Variants in ELP2 observed in about 807,000 individuals in gnomAD.
The protein encoded by ELP2 is elongator complex protein 2.
A neutral mutation model predicts 119.2 loss-of-function variants in ELP2; 90 were observed. That is an observed-to-expected ratio of 0.75 (90% CI 0.64 to 0.90). The LOEUF is 0.90. ELP2 is among the 40% of genes least tolerant of loss of function. ELP2 has a pLI of 0.00. For synonymous variants in ELP2, 339 were observed against 331.0 expected (o/e 1.02, Z -0.26); for missense variants, 921 against 967.8 (o/e 0.95, Z 0.64).
intron 18 of ELP2, chr18:36,164,937 C>G (rs915846070): frequency 4.5e-6 from 2 of 442,598 alleles, no homozygotes; most frequent in Non-Finnish European, 8.3e-6. Flanking sequence ...ACATAAACAT[C>G]TGTATGTAGG....
chr18:36,173,562 G>A (rs2091145021), intron 21 of ELP2, among the ~76,000 whole-genome samples: 1 of 152,188 alleles, frequency 6.6e-6, no homozygotes, highest in African/African-American at 2.4e-5. Context: ...AAACAGTTGA[G>A]GCACAGCAGT....
intron 20 of ELP2, 36 bp downstream of exon 20, chr18:36,170,232 C>T (rs1017498762): frequency 1.2e-6 from 2 of 1,613,376 alleles, no homozygotes; most frequent in Admixed American, 1.7e-5. Flanking sequence ...TTAAGAGGAC[C>T]ACTTGGTTTC....
At chr18:36,157,187 C>A (rs2090600224) in intron 13 of ELP2, among the ~76,000 whole-genome samples, 1 of 151,908 alleles carries the variant, frequency 6.6e-6, no homozygotes, top group Non-Finnish European at 1.5e-5. Flanking sequence ...GTTTATACGC[C>A]CTTCTAAGAA....
intron 9 of ELP2, 37 bp from the exon 10 acceptor site, chr18:36,145,911 T>C (rs1789546): frequency 6.6e-6 from 10 of 1,520,406 alleles, no homozygotes; most frequent in African/African-American, 2.7e-5. Context: ...ACATGATGAT[T>C]GTTGATCACC....
intron 4 of ELP2, 86 bp downstream of exon 4, chr18:36,138,512 T>C: frequency 1.4e-6 from 2 of 1,439,748 alleles, no homozygotes; most frequent in South Asian, 1.2e-5. Flanking sequence ...TATAATTCTT[T>C]ACAACTTTGG....
intron 18 of ELP2, among the ~76,000 whole-genome samples, chr18:36,166,642 G>A (rs923705738): frequency 3.9e-5 from 6 of 152,058 alleles, no homozygotes; most frequent in Non-Finnish European, 7.4e-5. Context: ...CAACAGTTAG[G>A]TGTGTTAGGT....
At chr18:36,144,904 T>G (rs780300905) in intron 8 of ELP2, 35 bp from the exon 9 acceptor site, 57 of 1,527,638 alleles carry the variant, frequency 3.7e-5, no homozygotes, top group Admixed American at 5.0e-5. Flanking sequence ...TAGAAGAGCT[T>G]TGAGGAAATA....
At chr18:36,130,627 C>T (rs2089578250) in intron 1 of ELP2, among the ~76,000 whole-genome samples, 1 of 152,270 alleles carries the variant, frequency 6.6e-6, no homozygotes, top group Middle Eastern at 3.4e-3. Context: ...CGGGACTTCC[C>T]TCGACTTCAC....
At chr18:36,152,373 T>G (rs2090431586) in intron 11 of ELP2, among the ~76,000 whole-genome samples, 1 of 152,228 alleles carries the variant, frequency 6.6e-6, no homozygotes, top group Non-Finnish European at 1.5e-5. Context: ...CATGAGAAGC[T>G]GAGACAGCAA....
rs17672290 is a variant in ELP2, at chr18:36,132,556, A to G, written c.139-682A>G. Among the ~76,000 whole-genome samples, 1,042 of 152,348 alleles carry G rather than the reference A, an allele frequency of 6.8e-3. 26 individuals are homozygous for G. The highest frequency in any genetic ancestry group is 0.044 in the East Asian group (226 of 5,182). On this transcript the variant is annotated intron_variant, in intron 1 of 21. Transcript: ENST00000358232. The stretch of plus-strand genomic sequence containing the variant: ...AAAGGGGCTGTAAAGAGGAAGGTGC[A>G]GTAGTCACAGTTAAAATCTTTAATG...
chr18:36,139,778 T>C (rs2089958224), intron 5 of ELP2: 1 of 433,784 alleles, frequency 2.3e-6, no homozygotes, highest in Non-Finnish European at 4.0e-6. Flanking sequence ...AAATTATTAA[T>C]GATTTTTTAT....
chr18:36,163,424 C>T (rs1389810383), intron 17 of ELP2, among the ~76,000 whole-genome samples: 1 of 151,964 alleles, frequency 6.6e-6, no homozygotes, highest in African/African-American at 2.4e-5. Context: ...TGTCATTCTC[C>T]TAACAGTGTC....
At chr18:36,133,896 G>GTTTTTT (rs1567972210) in intron 2 of ELP2, among the ~76,000 whole-genome samples, 1 of 114,754 alleles carries the variant, frequency 8.7e-6, no homozygotes, top group African/African-American at 3.5e-5. Flanking sequence ...GTTTTTTAGG[G>GTTTTTT]GTTTTTTTTT....
At position 36,138,300 on chromosome 18, in the gene ELP2, G is replaced by A. The variant is rs1433388245; in HGVS notation, c.319G>A (p.Glu107Lys). The change falls in exon 4 of 22, where the codon GAA (glutamate) becomes AAA (lysine). Residue 107 changes from glutamate (E) to lysine (K), a missense_variant. Physicochemically the swap from Glu to Lys is moderately conservative, Grantham distance 56. Coordinates refer to ENST00000358232, the MANE Select transcript of ELP2 (RefSeq NM_018255.4). The part of the protein sequence containing the change: ...LLKAVHLQGH[E>K]GPVYAVHAVY... ...AAAAGCAGTGCATCTTCAAGGCCAT[G>A]AAGGACCTGTTTATGCGGTGCATGC... The A allele has an allele frequency of 1.2e-6, 2 of 1,614,122 alleles. No homozygotes were observed. Among genetic ancestry groups the A allele is most frequent in the South Asian group, 1.1e-5 (1 of 91,082 alleles).
At chr18:36,145,906 A>G (rs1303641142) in intron 9 of ELP2, 42 bp from the exon 10 acceptor site, 2 of 1,500,952 alleles carry the variant, frequency 1.3e-6, no homozygotes, top group East Asian at 2.3e-5. Context: ...TACAAACATG[A>G]TGATTGTTGA....
intron 2 of ELP2, among the ~76,000 whole-genome samples, chr18:36,134,343 A>T (rs746567726): frequency 4.6e-5 from 7 of 152,204 alleles, no homozygotes; most frequent in Non-Finnish European, 8.8e-5. Context: ...CAGCCACATG[A>T]TGTATGATAC....
chr18:36,142,483 G>T, intron 7 of ELP2, 136 bp downstream of exon 7: 1 of 747,096 alleles, frequency 1.3e-6, no homozygotes, highest in East Asian at 2.6e-5. Flanking sequence ...TAGAAAGGAG[G>T]ATGCTTATCT....
intron 16 of ELP2, among the ~76,000 whole-genome samples, chr18:36,160,469 T>G (rs972911561): frequency 3.3e-5 from 5 of 151,888 alleles, no homozygotes; most frequent in African/African-American, 1.2e-4. Context: ...CCCAAGCTAC[T>G]TGAGAGACTG....
At chr18:36,152,849 A>G (rs757849204) in intron 11 of ELP2, among the ~76,000 whole-genome samples, 29 of 152,232 alleles carry the variant, frequency 1.9e-4, no homozygotes, top group Non-Finnish European at 3.2e-4. Context: ...CACTTTAGCA[A>G]AGGTTCCCCA....
Sources: gnomAD v4.1 joint callset for allele counts (sites outside exome capture counted in the v4.1 genomes callset) on GRCh38, gnomAD v4.1.1 for gene constraint, MANE v1.5 for transcripts, NCBI Gene and HGNC (gene_info 2026-07-23, HGNC 2026-07-21) for gene names.